Variants in UGGT2 observed in about 807,000 individuals in gnomAD.
UGGT2 encodes the protein UDP-glucose glycoprotein glucosyltransferase 2.
Under a neutral mutation model 192.1 loss-of-function variants are expected in UGGT2, and 180 were observed. The observed-to-expected ratio is 0.94, with a 90% CI of 0.83 to 1.06. UGGT2 has a LOEUF of 1.06. Among genes scored for constraint, UGGT2 ranks in the 50% least tolerant of loss-of-function variants. The pLI is 0.00. For synonymous variants in UGGT2, 580 were observed against 591.0 expected (o/e 0.98, Z 0.27); for missense variants, 1,849 against 1,795.7 (o/e 1.03, Z -0.54).
intron 10 of UGGT2, among the ~76,000 whole-genome samples, chr13:95,973,970 C>T (rs1035419059): frequency 1.3e-5 from 2 of 152,116 alleles, no homozygotes; most frequent in African/African-American, 2.4e-5. Context: ...GGAAAAACAA[C>T]CAGTGTATTT....
chr13:95,875,007 G>C (rs1398668112), intron 29 of UGGT2, among the ~76,000 whole-genome samples: 1 of 151,986 alleles, frequency 6.6e-6, no homozygotes, highest in Non-Finnish European at 1.5e-5. Flanking sequence ...TAAATTTAAC[G>C]TTTCTAGGAA....
intron 30 of UGGT2, among the ~76,000 whole-genome samples, chr13:95,866,889 T>A (rs1355211348): frequency 6.6e-6 from 1 of 152,146 alleles, no homozygotes; most frequent in Non-Finnish European, 1.5e-5. Context: ...CCGTTCCTCA[T>A]TGCTTTTAAA....
At chr13:95,912,650 T>C (rs759209495) in intron 20 of UGGT2, among the ~76,000 whole-genome samples, 225 of 152,274 alleles carry the variant, frequency 1.5e-3, no homozygotes, top group Non-Finnish European at 2.6e-3. Context: ...ATCATGAAAA[T>C]GGCAGCACTG....
intron 33 of UGGT2, among the ~76,000 whole-genome samples, chr13:95,858,123 CTG>C (rs1179381934): frequency 6.6e-6 from 1 of 151,196 alleles, no homozygotes; most frequent in Non-Finnish European, 1.5e-5. Context: ...CAAATCTCAG[CTG>C]TGTTTCTAAT....
At chr13:95,992,883 CA>C (rs1289589639) in intron 7 of UGGT2, among the ~76,000 whole-genome samples, 1 of 152,116 alleles carries the variant, frequency 6.6e-6, no homozygotes, top group Non-Finnish European at 1.5e-5. Context: ...CAAAGAACTT[CA>C]AACTACCACT....
chr13:96,053,319 G>A lies in UGGT2; in HGVS notation c.-7C>T. ...TGGCTTTCGCTGGCGCCATGGCACG[G>A]AGAGAAAAGCGCGAGTCCCTCGGAC... On this transcript the variant is annotated 5_prime_UTR_variant, in exon 1 of 39. Coordinates refer to ENST00000376747, the MANE Select transcript of UGGT2 (RefSeq NM_020121.4). 6.3e-7 allele frequency: 1 copy of A among 1,581,314 alleles called. No individual in the cohort carries two copies. Among genetic ancestry groups the A allele is most frequent in the Non-Finnish European group, 8.5e-7 (1 of 1,173,044 alleles).
intron 16 of UGGT2, among the ~76,000 whole-genome samples, 173 bp from the exon 17 acceptor site, chr13:95,937,261 G>T (rs892994439): frequency 1.3e-5 from 2 of 152,144 alleles, no homozygotes; most frequent in Non-Finnish European, 2.9e-5. Context: ...TACCTACAAG[G>T]AGTCAAAAAA....
chr13:95,968,418 T>C (rs965935856), intron 12 of UGGT2, among the ~76,000 whole-genome samples: 4 of 152,186 alleles, frequency 2.6e-5, no homozygotes, highest in South Asian at 4.1e-4. Flanking sequence ...ATTTGGATAC[T>C]TGTCCCCACC....
At chr13:95,822,331 G>T (rs1885593516) in intron 38 of UGGT2, among the ~76,000 whole-genome samples, 1 of 152,030 alleles carries the variant, frequency 6.6e-6, no homozygotes, top group Non-Finnish European at 1.5e-5. Context: ...TTCTTGATTT[G>T]TGTCTTAGCT....
chr13:95,802,861 TCTCA>T (rs1160392250), intron 38 of UGGT2, among the ~76,000 whole-genome samples: 20 of 152,020 alleles, frequency 1.3e-4, no homozygotes, highest in Non-Finnish European at 2.1e-4. Context: ...TGAGACGGAG[TCTCA>T]CTCAGTCGTC....
chr13:96,027,749 C>G (rs1026355415), intron 2 of UGGT2, among the ~76,000 whole-genome samples: 3 of 152,170 alleles, frequency 2.0e-5, no homozygotes, highest in Non-Finnish European at 4.4e-5. Flanking sequence ...AACCAAATAA[C>G]AGAGATATGA....
intron 22 of UGGT2, among the ~76,000 whole-genome samples, chr13:95,900,473 CCTA>C (rs1159833224): frequency 6.6e-6 from 1 of 152,142 alleles, no homozygotes; most frequent in Non-Finnish European, 1.5e-5. Context: ...ACTTGCTACA[CCTA>C]CTACAACAGT....
intron 29 of UGGT2, among the ~76,000 whole-genome samples, chr13:95,876,304 A>G (rs1159619608): frequency 6.6e-6 from 1 of 152,244 alleles, no homozygotes; most frequent in Admixed American, 6.5e-5. Flanking sequence ...AATATCAATT[A>G]TGCTGGTACA....
At chr13:96,002,210 T>A (rs1428032087) in intron 5 of UGGT2, among the ~76,000 whole-genome samples, 1 of 152,218 alleles carries the variant, frequency 6.6e-6, no homozygotes, top group Non-Finnish European at 1.5e-5. Flanking sequence ...TGACAGAGAA[T>A]CATAGTCTTA....
At chr13:95,998,318 T>C (rs1297751720) in intron 6 of UGGT2, among the ~76,000 whole-genome samples, 2 of 152,246 alleles carry the variant, frequency 1.3e-5, no homozygotes, top group African/African-American at 2.4e-5. Context: ...TTATAAAGCA[T>C]TGTAGAGCTA....
At chr13:95,973,912 C>G (rs562947130) in intron 10 of UGGT2, among the ~76,000 whole-genome samples, 1 of 152,148 alleles carries the variant, frequency 6.6e-6, no homozygotes, top group Admixed American at 6.6e-5. Flanking sequence ...CTATAAAGTG[C>G]TCACAAATGA....
At chr13:96,020,143 G>A (rs976130477) in intron 4 of UGGT2, among the ~76,000 whole-genome samples, 3 of 152,160 alleles carry the variant, frequency 2.0e-5, no homozygotes, top group Non-Finnish European at 4.4e-5. Context: ...GAGGCTTATT[G>A]GGTCCCTTTT....
In UGGT2 at chr13:95,832,932, T is replaced by C. The variant is rs986452169; in HGVS notation, c.4523A>G (p.Asp1508Gly). 1.9e-5 allele frequency: 30 copies of C among 1,612,374 alleles called. No individual in the cohort carries two copies. The highest frequency in any genetic ancestry group is 2.5e-5 in the Non-Finnish European group (29 of 1,178,876). Reference sequence around the variant, plus strand: ...ACAACACGTTGATGACTTACTTGTATCTTGCTTCTTGTTTTCAAGATGATC... The same window carrying C: ...ACAACACGTTGATGACTTACTTGTACCTTGCTTCTTGTTTTCAAGATGATC... ...LLDHLENKKQ[D>G]TILTHDEL Residue 1508 changes from aspartate (D) to glycine (G), a missense_variant, in exon 38 of 39, where the codon GAT becomes GGT. By Grantham distance (94) the Asp-to-Gly change is moderately conservative. Coordinates refer to ENST00000376747, the MANE Select transcript of UGGT2 (RefSeq NM_020121.4).
At chr13:95,981,936 C>G (rs2051138713) in intron 10 of UGGT2, among the ~76,000 whole-genome samples, 1 of 152,196 alleles carries the variant, frequency 6.6e-6, no homozygotes, top group South Asian at 2.1e-4. Context: ...ACATGAAAGA[C>G]ATTATCATCC....
Sources: gnomAD v4.1 joint callset for allele counts (sites outside exome capture counted in the v4.1 genomes callset) on GRCh38, gnomAD v4.1.1 for gene constraint, MANE v1.5 for transcripts, NCBI Gene and HGNC (gene_info 2026-07-23, HGNC 2026-07-21) for gene names.